PABPC4L: variants seen among roughly 807,000 people sequenced by gnomAD.
PABPC4L encodes polyadenylate-binding protein 4-like.
For missense variants in PABPC4L, 452 were observed against 451.4 expected, an observed-to-expected ratio of 1.00 and a Z score of -0.01; for synonymous variants, 169 against 164.1, an observed-to-expected ratio of 1.03 and a Z score of -0.23.
the PABPC4L span, among the ~76,000 whole-genome samples, chr4:134,021,909 A>C: frequency 1.3e-5 from 2 of 152,086 alleles, no homozygotes; most frequent in Non-Finnish European, 2.9e-5. Context: ...CAAGTTAATG[A>C]GCTTCATGTA....
chr4:134,175,213 T>C, the PABPC4L span, among the ~76,000 whole-genome samples: 1 of 152,134 alleles, frequency 6.6e-6, no homozygotes, highest in Non-Finnish European at 1.5e-5. Flanking sequence ...TTAACAGATA[T>C]AAAAAGTATG....
chr4:134,049,649 G>A, the PABPC4L span, among the ~76,000 whole-genome samples: 1 of 152,122 alleles, frequency 6.6e-6, no homozygotes, highest in Non-Finnish European at 1.5e-5. Flanking sequence ...ACTCTGCAGT[G>A]CTATTTGTTA....
chr4:134,190,764 G>T, the PABPC4L span, among the ~76,000 whole-genome samples: 2 of 151,948 alleles, frequency 1.3e-5, no homozygotes, highest in Non-Finnish European at 2.9e-5. Flanking sequence ...CCATTATCTT[G>T]CCTCAGCCTC....
chr4:134,034,014 G>A, the PABPC4L span, among the ~76,000 whole-genome samples: 1 of 151,964 alleles, frequency 6.6e-6, no homozygotes, highest in African/African-American at 2.4e-5. Context: ...TAGCGGGAGA[G>A]GAGAAGTCAA....
the PABPC4L span, among the ~76,000 whole-genome samples, chr4:134,090,170 A>T: frequency 6.6e-6 from 1 of 151,554 alleles, no homozygotes; most frequent in East Asian, 2.0e-4. Context: ...CTCCTGAATG[A>T]CTCTCTTGAT....
the PABPC4L span, among the ~76,000 whole-genome samples, chr4:134,147,478 A>C: frequency 6.6e-6 from 1 of 152,140 alleles, no homozygotes; most frequent in African/African-American, 2.4e-5. Flanking sequence ...TGTGAAATTT[A>C]TCTGGGTAAC....
At chr4:134,176,091 G>A in the PABPC4L span, among the ~76,000 whole-genome samples, 17 of 152,076 alleles carry the variant, frequency 1.1e-4, no homozygotes, top group African/African-American at 3.6e-4. Context: ...ACAGTTTGAA[G>A]AGGTAAATCA....
chr4:134,175,551 C>T, the PABPC4L span, among the ~76,000 whole-genome samples: 3 of 151,948 alleles, frequency 2.0e-5, no homozygotes, highest in Non-Finnish European at 2.9e-5. Flanking sequence ...TGAGTTCAAG[C>T]GATTCTCCTG....
the PABPC4L span, among the ~76,000 whole-genome samples, chr4:134,017,168 G>A: frequency 1.3e-5 from 2 of 152,056 alleles, no homozygotes; most frequent in Non-Finnish European, 2.9e-5. Context: ...ACAGTCCTCA[G>A]TCTTCAGGAA....
At chr4:134,056,105 TA>T in the PABPC4L span, among the ~76,000 whole-genome samples, 2 of 151,250 alleles carry the variant, frequency 1.3e-5, no homozygotes, top group East Asian at 1.9e-4. Context: ...TGCACCTTTG[TA>T]AAAAAAAATC....
At chr4:134,001,343 T>C in the PABPC4L span, among the ~76,000 whole-genome samples, 1 of 151,894 alleles carries the variant, frequency 6.6e-6, no homozygotes, top group Non-Finnish European at 1.5e-5. Context: ...AGTCATATTA[T>C]ACATTATCCT....
the PABPC4L span, among the ~76,000 whole-genome samples, chr4:134,118,679 T>G: frequency 6.6e-6 from 1 of 151,876 alleles, no homozygotes; most frequent in Non-Finnish European, 1.5e-5. Context: ...TTTTATTTGT[T>G]GGCATTAGAT....
chr4:133,971,770 A>C, the PABPC4L span, among the ~76,000 whole-genome samples: 7 of 152,294 alleles, frequency 4.6e-5, no homozygotes, highest in East Asian at 1.3e-3. Context: ...CACATACTTC[A>C]TACTTTTCAT....
chr4:134,183,377 G>A, the PABPC4L span, among the ~76,000 whole-genome samples: 4 of 151,828 alleles, frequency 2.6e-5, no homozygotes, highest in South Asian at 4.2e-4. Flanking sequence ...GATATCGTAC[G>A]TTCTCACTTA....
At chr4:134,068,699 C>T in the PABPC4L span, among the ~76,000 whole-genome samples, 1 of 151,662 alleles carries the variant, frequency 6.6e-6, no homozygotes, top group Non-Finnish European at 1.5e-5. Context: ...CCTTCAGTAC[C>T]TCTTTTAAGA....
At chr4:134,159,157 C>T in the PABPC4L span, among the ~76,000 whole-genome samples, 1 of 152,102 alleles carries the variant, frequency 6.6e-6, no homozygotes, top group Non-Finnish European at 1.5e-5. Context: ...TATTAATGTG[C>T]ACTACTGTAG....
chr4:134,055,496 A>G, the PABPC4L span, among the ~76,000 whole-genome samples: 2 of 151,984 alleles, frequency 1.3e-5, no homozygotes, highest in Non-Finnish European at 2.9e-5. Flanking sequence ...TAAATCTTGG[A>G]CATCTAGCCT....
the PABPC4L span, among the ~76,000 whole-genome samples, chr4:134,140,638 A>G: frequency 3.3e-5 from 5 of 151,862 alleles, no homozygotes; most frequent in Non-Finnish European, 7.4e-5. Context: ...ACATAAGAGT[A>G]GATAAATGTA....
At chr4:133,951,869 C>A in the PABPC4L span, among the ~76,000 whole-genome samples, 1 of 152,102 alleles carries the variant, frequency 6.6e-6, no homozygotes, top group Non-Finnish European at 1.5e-5. Context: ...CCATAACCTA[C>A]AGTAATGAGT....
Sources: allele counts gnomAD v4.1 joint callset (sites outside exome capture counted in the v4.1 genomes callset), GRCh38; gene constraint gnomAD v4.1.1; transcripts MANE v1.5; gene names NCBI Gene and HGNC (gene_info 2026-07-23, HGNC 2026-07-21).